TINAG: variants seen among roughly 807,000 people sequenced by gnomAD.
TINAG encodes the protein tubulointerstitial nephritis antigen.
A neutral mutation model predicts 72.7 loss-of-function variants in TINAG; 83 were observed. That is an observed-to-expected ratio of 1.14 (90% CI 0.96 to 1.37). The LOEUF (loss-of-function observed/expected upper bound fraction) is 1.37. Ranked by LOEUF, TINAG falls within the 40% of genes most tolerant of loss-of-function variation. TINAG has a pLI of 0.00. For synonymous variants in TINAG, 234 were observed against 189.9 expected, an observed-to-expected ratio of 1.23 and a Z score of -1.91; for missense variants, 685 against 576.6, an observed-to-expected ratio of 1.19 and a Z score of -1.93.
chr6:54,326,124 T>G (rs1347513479), intron 3 of TINAG, among the ~76,000 whole-genome samples: 1 of 152,024 alleles, frequency 6.6e-6, no homozygotes, highest in African/African-American at 2.4e-5. Context: ...TCTTCAAATT[T>G]CAATATTAAA....
rs1764180434 is a variant in TINAG, at chr6:54,389,265, G to A, written c.1297-526G>A. On this transcript the variant is annotated intron_variant, in intron 10 of 10. Transcript: ENST00000259782. Reference sequence around the variant, plus strand: ...TGAATTGATTCTCAGGCTTTAATATGCATCTCATGTGACACTTCTTCAACA... The same window carrying A: ...TGAATTGATTCTCAGGCTTTAATATACATCTCATGTGACACTTCTTCAACA... Among the ~76,000 whole-genome samples, 3 of 151,982 alleles carry A rather than the reference G, an allele frequency of 2.0e-5. No individual in the cohort carries two copies. In the South Asian group the frequency reaches 6.2e-4, roughly 31 times the overall value.
chr6:54,310,317 C>T (rs905800593), intron 1 of TINAG, among the ~76,000 whole-genome samples: 2 of 151,960 alleles, frequency 1.3e-5, no homozygotes, highest in African/African-American at 4.8e-5. Flanking sequence ...AACTCCTGGC[C>T]TCAAGCTATC....
At chr6:54,360,232 T>G (rs1470896800) in intron 9 of TINAG, among the ~76,000 whole-genome samples, 2 of 146,546 alleles carry the variant, frequency 1.4e-5, no homozygotes, top group Non-Finnish European at 3.1e-5. Context: ...GTAGCCTTAT[T>G]TCCCCCCTCT....
At chr6:54,321,771 TA>T (rs1464561991) in intron 3 of TINAG, among the ~76,000 whole-genome samples, 1 of 152,116 alleles carries the variant, frequency 6.6e-6, no homozygotes, top group Non-Finnish European at 1.5e-5. Flanking sequence ...CTATCATGGG[TA>T]GAATCTGACC....
intron 3 of TINAG, 62 bp downstream of exon 3, chr6:54,321,448 T>C (rs751623286): frequency 8.8e-7 from 1 of 1,141,686 alleles, no homozygotes; most frequent in South Asian, 1.3e-5. Flanking sequence ...GGTTTCAATG[T>C]ATTGCTTGGT....
intron 1 of TINAG, among the ~76,000 whole-genome samples, chr6:54,319,106 G>A (rs1396139333): frequency 6.6e-6 from 1 of 151,990 alleles, no homozygotes; most frequent in Non-Finnish European, 1.5e-5. Flanking sequence ...TGAGATGTCT[G>A]TTCCATTTAT....
At chr6:54,314,821 T>C (rs949413028) in intron 1 of TINAG, among the ~76,000 whole-genome samples, 3 of 152,150 alleles carry the variant, frequency 2.0e-5, no homozygotes, top group Admixed American at 1.3e-4. Flanking sequence ...AGAGGTAGAA[T>C]TTTGCTAAGA....
At chr6:54,332,570 T>C (rs959856297) in intron 4 of TINAG, among the ~76,000 whole-genome samples, 1 of 152,158 alleles carries the variant, frequency 6.6e-6, no homozygotes, top group Non-Finnish European at 1.5e-5. Context: ...AAAGACTTCA[T>C]GAATAAAACA....
At chr6:54,384,178 G>A (rs1764029189) in intron 10 of TINAG, among the ~76,000 whole-genome samples, 1 of 152,094 alleles carries the variant, frequency 6.6e-6, no homozygotes, top group Non-Finnish European at 1.5e-5. Context: ...ACAGGGAGGG[G>A]AACATCACAC....
At chr6:54,360,169 T>G (rs10456682) in intron 9 of TINAG, among the ~76,000 whole-genome samples, 23,881 of 151,552 alleles carry the variant, frequency 0.16, 2,018 homozygotes, top group Non-Finnish European at 0.18. Flanking sequence ...TACATATAAC[T>G]CACAGGACTG....
chr6:54,319,015 C>T (rs964774187), intron 1 of TINAG, among the ~76,000 whole-genome samples: 1 of 151,928 alleles, frequency 6.6e-6, no homozygotes, highest in Non-Finnish European at 1.5e-5. Context: ...TAATGGCGGT[C>T]CCCTGACTTC....
chr6:54,389,841 G>T lies in TINAG; in HGVS notation c.1347G>T (p.Arg449Ser). ...CATGGGGAGAGAATGGCTATTTCAG[G>T]ATTCTTCGAGGAGTAAATGAGTCCG... ...GKSWGENGYF[R>S]ILRGVNESDI... Residue 449 changes from arginine (R) to serine (S), a missense_variant, in exon 11 of 11, where the codon AGG becomes AGT. By Grantham distance (110) the Arg-to-Ser change is moderately radical. Transcript: ENST00000259782. 1 of 1,608,566 alleles carries T rather than the reference G, an allele frequency of 6.2e-7. No homozygotes were observed. The highest frequency in any genetic ancestry group is 8.5e-7 in the Non-Finnish European group (1 of 1,177,924).
intron 9 of TINAG, among the ~76,000 whole-genome samples, chr6:54,366,246 G>T (rs12204930): frequency 0.16 from 23,969 of 148,304 alleles, 2,031 homozygotes; most frequent in Non-Finnish European, 0.18. Flanking sequence ...ATGCGTACAC[G>T]TACGTGTATG....
intron 9 of TINAG, among the ~76,000 whole-genome samples, chr6:54,374,725 A>T (rs539111339): frequency 1.7e-4 from 26 of 152,156 alleles, no homozygotes; most frequent in Middle Eastern, 3.4e-3. Context: ...ATTGACTTGA[A>T]GCCCATCTAG....
chr6:54,309,849 A>G (rs1335283361), intron 1 of TINAG, among the ~76,000 whole-genome samples: 2 of 151,792 alleles, frequency 1.3e-5, no homozygotes, highest in Non-Finnish European at 2.9e-5. Context: ...TGTGTCAAAA[A>G]AAAAAAAAAA....
chr6:54,326,329 C>G (rs1238689195), intron 3 of TINAG, among the ~76,000 whole-genome samples: 1 of 151,646 alleles, frequency 6.6e-6, no homozygotes, highest in Non-Finnish European at 1.5e-5. Flanking sequence ...TTTTAAAAAT[C>G]TGATGTCATT....
intron 10 of TINAG, among the ~76,000 whole-genome samples, chr6:54,383,545 G>C (rs1301616753): frequency 6.6e-6 from 1 of 152,030 alleles, no homozygotes; most frequent in East Asian, 1.9e-4. Flanking sequence ...GCATTTGGTA[G>C]GTTTGGGCAT....
chr6:54,369,141 C>T (rs966580498), intron 9 of TINAG, among the ~76,000 whole-genome samples: 7 of 151,806 alleles, frequency 4.6e-5, no homozygotes, highest in Non-Finnish European at 8.8e-5. Context: ...AAATTTGAAA[C>T]ATGAGCTGTA....
chr6:54,358,534 CAA>C (rs34091915), intron 9 of TINAG, among the ~76,000 whole-genome samples: 2,171 of 112,796 alleles, frequency 0.019, 55 homozygotes, highest in African/African-American at 0.058. Context: ...AGTTATTCGT[CAA>C]AAAAAAAAAA....
Sources: allele counts gnomAD v4.1 joint callset (sites outside exome capture counted in the v4.1 genomes callset), GRCh38; gene constraint gnomAD v4.1.1; transcripts MANE v1.5; gene names NCBI Gene and HGNC (gene_info 2026-07-23, HGNC 2026-07-21).